ARHGEF9: variants seen among roughly 807,000 people sequenced by gnomAD.
ARHGEF9 encodes rho guanine nucleotide exchange factor 9.
Under a neutral mutation model 41.3 loss-of-function variants are expected in ARHGEF9, and 2 were observed. The ratio of observed to expected loss-of-function variants is 0.05; its 90% CI spans 0.02 to 0.15. ARHGEF9 has a LOEUF of 0.15. Ranked by LOEUF, ARHGEF9 falls within the 10% of genes least tolerant of loss-of-function variation. The probability of loss-of-function intolerance (pLI) is 1.00; values close to 1 mark genes in which losing one functional copy is unlikely to be tolerated. For missense variants in ARHGEF9, 225 were observed against 424.7 expected (o/e 0.53, Z 4.13); for synonymous variants, 160 against 154.4 (o/e 1.04, Z -0.27).
At chrX:63,714,945 G>A (rs1439435137) in intron 2 of ARHGEF9, among the ~76,000 whole-genome samples, 5 of 111,795 alleles carry the variant, frequency 4.5e-5, no homozygotes, top group Admixed American at 9.5e-5. Flanking sequence ...CCTTCCCAAC[G>A]AATGGAGACT....
At chrX:63,784,560 G>A (rs1278629346) in intron 1 of ARHGEF9, among the ~76,000 whole-genome samples, 2 of 112,323 alleles carry the variant, frequency 1.8e-5, no homozygotes, top group Admixed American at 9.3e-5. Context: ...AAGGGCTTTA[G>A]GGCTCCCTCA....
At chrX:63,736,990 C>T (rs1556423459) in intron 1 of ARHGEF9, 2 of 111,160 alleles carry the variant, frequency 1.8e-5, no homozygotes, top group African/African-American at 6.5e-5. Context: ...TAAGTCTCAC[C>T]TTGGAGGTTA....
At chrX:63,760,151 A>G (rs1263067664) in intron 1 of ARHGEF9, among the ~76,000 whole-genome samples, 2 of 109,929 alleles carry the variant, frequency 1.8e-5, no homozygotes, top group African/African-American at 3.3e-5. Context: ...GCTCCCAAAG[A>G]CCCACTTCTG....
At chrX:63,726,648 A>G (rs1425131379) in intron 1 of ARHGEF9, 1 of 111,527 alleles carries the variant, frequency 9.0e-6, no homozygotes, top group Non-Finnish European at 1.9e-5. Context: ...CCATTTACCT[A>G]TATTTTAAAG....
intron 4 of ARHGEF9, among the ~76,000 whole-genome samples, chrX:63,688,271 C>G (rs1204713515): frequency 1.8e-5 from 2 of 110,809 alleles, no homozygotes; most frequent in Non-Finnish European, 3.8e-5. Context: ...CATACTGTGC[C>G]CAGCAGAGCC....
intron 9 of ARHGEF9, chrX:63,641,340 G>A: frequency 1.0e-5 from 1 of 98,292 alleles, no homozygotes; most frequent in Non-Finnish European, 2.0e-5. Flanking sequence ...CGATGAGAGT[G>A]AAACTCCATC....
chrX:63,669,738 T>C (rs1343521013), intron 6 of ARHGEF9, among the ~76,000 whole-genome samples: 4 of 112,025 alleles, frequency 3.6e-5, no homozygotes, highest in Non-Finnish European at 7.5e-5. Flanking sequence ...TAACTGTTAC[T>C]TCCTCAGGTA....
chrX:63,695,479 T>G (rs1556386964), intron 4 of ARHGEF9, among the ~76,000 whole-genome samples: 1 of 111,857 alleles, frequency 8.9e-6, no homozygotes, highest in Non-Finnish European at 1.9e-5. Context: ...CTTGTGGACT[T>G]CTGTGAGAGT....
chrX:63,785,192 G>A lies in ARHGEF9; in HGVS notation c.-47C>T, dbSNP rs782152704. 1.7e-5 allele frequency: 19 copies of A among 1,151,282 alleles called. No individual in the cohort carries two copies. In the South Asian group the frequency reaches 2.4e-4, roughly 14 times the overall value. 94.9% of individuals were successfully genotyped at this position (1,151,282 alleles called of 1,213,427 possible). ...CTCTGAGGCCCCGTAGCTGGCGCGA[G>A]TTGTCGCGGGCTGACTAGAAGGGCT... On this transcript the variant is annotated 5_prime_UTR_variant, in exon 1 of 10. Transcript: ENST00000671741.
intron 1 of ARHGEF9, among the ~76,000 whole-genome samples, chrX:63,752,855 C>A (rs1467703143): frequency 8.9e-6 from 1 of 111,953 alleles, no homozygotes; most frequent in Non-Finnish European, 1.9e-5. Context: ...ATAATGCCAG[C>A]AGATTTGCAC....
intron 1 of ARHGEF9, among the ~76,000 whole-genome samples, chrX:63,777,796 C>T (rs141129888): frequency 2.4e-4 from 27 of 112,625 alleles, no homozygotes; most frequent in South Asian, 1.1e-3. Context: ...TCTTCTTTGA[C>T]GCCATGTCTC....
chrX:63,719,599 G>C, intron 2 of ARHGEF9: 1 of 295,145 alleles, frequency 3.4e-6, no homozygotes, highest in Non-Finnish European at 5.9e-6. Flanking sequence ...CAACTTACAG[G>C]GGACTGTGTA....
chrX:63,732,787 T>C (rs2054388044), intron 1 of ARHGEF9, among the ~76,000 whole-genome samples: 1 of 111,882 alleles, frequency 8.9e-6, no homozygotes. Context: ...AACATTTCAC[T>C]GGATGGCCTG....
At chrX:63,665,794 C>T in intron 7 of ARHGEF9, 92 bp downstream of exon 7, 1 of 1,101,829 alleles carries the variant, frequency 9.1e-7, no homozygotes. Flanking sequence ...CAGTATTTGC[C>T]CACTTTGTTG....
chrX:63,638,070 T>A lies in ARHGEF9; in HGVS notation c.1530A>T (p.Pro510=), dbSNP rs145815177. The A allele has an allele frequency of 2.9e-4, 356 of 1,208,895 alleles. No individual in the cohort carries two copies. The highest frequency in any genetic ancestry group is 3.8e-4 in the Non-Finnish European group (343 of 895,003). ...TTAACCTGCTGAAGTTTTGCCAGAA[T>A]GGTGACTGGCTGCGCTTGGGTTCGG... ...EFTEPKRSQS[P]FWQNFSRLTP... The change falls in exon 10 of 10, where the codon CCA becomes CCT. Residue 510 remains proline, a synonymous_variant. Coordinates refer to ENST00000671741, the MANE Select transcript of ARHGEF9 (RefSeq NM_001353921.2).
intron 8 of ARHGEF9, among the ~76,000 whole-genome samples, chrX:63,645,811 T>C (rs2048009303): frequency 8.9e-6 from 1 of 111,970 alleles, no homozygotes; most frequent in Non-Finnish European, 1.9e-5. Flanking sequence ...CACACTGACT[T>C]CCACAATGGT....
At position 63,729,264 on chromosome X, in the gene ARHGEF9, T is replaced by G. The variant is rs181049245; in HGVS notation, c.31-4553A>C. On this transcript the variant is annotated intron_variant, in intron 1 of 9. Transcript: ENST00000671741. ...TTGGGAATCAATGGCCCAGAAGAAA[T>G]TGTGAAAATCAGAGTTTGCCCTGGA... Among the ~76,000 whole-genome samples, 19 of 110,660 alleles carry G rather than the reference T, an allele frequency of 1.7e-4. No homozygotes were observed. In the East Asian group the frequency reaches 5.1e-3, roughly 30 times the overall value.
intron 8 of ARHGEF9, among the ~76,000 whole-genome samples, chrX:63,652,830 G>C (rs1414043820): frequency 9.0e-6 from 1 of 110,850 alleles, no homozygotes; most frequent in Non-Finnish European, 1.9e-5. Flanking sequence ...TGGATCATGG[G>C]GGGAATTTCT....
At chrX:63,733,503 GT>G (rs2054438448) in intron 1 of ARHGEF9, among the ~76,000 whole-genome samples, 1 of 112,415 alleles carries the variant, frequency 8.9e-6, no homozygotes, top group Non-Finnish European at 1.9e-5. Flanking sequence ...ATTGTTTCCA[GT>G]TTCAATGTGG....
Sources: allele counts gnomAD v4.1 joint callset (sites outside exome capture counted in the v4.1 genomes callset), GRCh38; gene constraint gnomAD v4.1.1; transcripts MANE v1.5; gene names NCBI Gene and HGNC (gene_info 2026-07-23, HGNC 2026-07-21).